RASGRP1: variants seen among roughly 807,000 people sequenced by gnomAD.
RASGRP1 encodes the protein RAS guanyl-releasing protein 1.
Under a neutral mutation model 95.1 loss-of-function variants are expected in RASGRP1, and 37 were observed. That is an observed-to-expected ratio of 0.39 (90% CI 0.30 to 0.51). The LOEUF is 0.51. Ranked by LOEUF, RASGRP1 falls within the 20% of genes least tolerant of loss-of-function variation. RASGRP1 has a pLI of 0.80. For synonymous variants in RASGRP1, 325 were observed against 353.4 expected (o/e 0.92, Z 0.90); for missense variants, 711 against 965.4 (o/e 0.74, Z 3.49).
chr15:38,523,042 A>G (rs117202667), intron 3 of RASGRP1, among the ~76,000 whole-genome samples: 1,750 of 152,266 alleles, frequency 0.011, 13 homozygotes, highest in Middle Eastern at 0.027. Flanking sequence ...CAGAGACCAG[A>G]TAAGAGTCAT....
chr15:38,514,800 G>C (rs1891693224), intron 6 of RASGRP1, among the ~76,000 whole-genome samples: 1 of 152,216 alleles, frequency 6.6e-6, no homozygotes, highest in African/African-American at 2.4e-5. Flanking sequence ...GCATCAAGCA[G>C]ACATCCTGCA....
intron 2 of RASGRP1, among the ~76,000 whole-genome samples, chr15:38,529,014 T>C (rs907998228): frequency 1.3e-5 from 2 of 152,144 alleles, no homozygotes; most frequent in Non-Finnish European, 2.9e-5. Context: ...ACCTAGCCAT[T>C]ATCCTTTATT....
At chr15:38,531,093 T>C (rs1450590118) in intron 2 of RASGRP1, among the ~76,000 whole-genome samples, 1 of 152,214 alleles carries the variant, frequency 6.6e-6, no homozygotes, top group Non-Finnish European at 1.5e-5. Flanking sequence ...CAGCTATCAT[T>C]TATTGAAGCC....
rs900153425 is a variant in RASGRP1, at chr15:38,488,193, T to G, written c.*2361A>C. ...AAAAACTTTACAATCTGTACATTTG[T>G]TTTTTTCTTGCATTTCTATATTATA... On this transcript the variant is annotated 3_prime_UTR_variant, in exon 17 of 17. Transcript: ENST00000310803. 6 of 152,030 alleles carry G rather than the reference T, an allele frequency of 3.9e-5. No homozygotes were observed. The highest frequency in any genetic ancestry group is 7.4e-5 in the Non-Finnish European group (5 of 67,920). The allele number at this position is 152,030 out of a possible 1,614,324, so 9.4% of individuals were successfully genotyped here.
intron 15 of RASGRP1, among the ~76,000 whole-genome samples, chr15:38,496,879 A>G (rs567776315): frequency 2.6e-5 from 4 of 152,358 alleles, no homozygotes; most frequent in African/African-American, 9.6e-5. Flanking sequence ...ACCACTGAAC[A>G]TTAGAAGTGC....
chr15:38,545,901 T>C (rs1428939727), intron 2 of RASGRP1, among the ~76,000 whole-genome samples: 1 of 152,216 alleles, frequency 6.6e-6, no homozygotes, highest in Non-Finnish European at 1.5e-5. Flanking sequence ...TGAGAGACTT[T>C]TCAGGTCTTC....
At position 38,507,873 on chromosome 15, in the gene RASGRP1, C is replaced by A. The variant is rs763571366; in HGVS notation, c.1095G>T (p.Leu365=). ...CCAGATAGTCAGGCATGGCTTCATA[C>A]AGGGAGATGAGGTCCTTGAGATGCA... is the stretch of plus-strand genomic sequence containing the variant. ...LGVHLKDLIS[L]YEAMPDYLED... Residue 365 remains leucine (L), a synonymous_variant, in exon 9 of 17, where the codon CTG becomes CTT. Transcript: ENST00000310803. The A allele has an allele frequency of 1.2e-6, 2 of 1,613,728 alleles. No individual in the cohort carries two copies. The highest frequency in any genetic ancestry group is 1.3e-5 in the African/African-American group (1 of 75,038).
At position 38,526,319 on chromosome 15, in the gene RASGRP1, C is replaced by A; in HGVS notation, c.306G>T (p.Leu102=). 1.9e-6 allele frequency: 3 copies of A among 1,613,010 alleles called. No homozygotes were observed. Among genetic ancestry groups the A allele is most frequent in the East Asian group, 4.5e-5 (2 of 44,854 alleles). Residue 102 remains leucine, a synonymous_variant, in exon 3 of 17, where the codon CTG becomes CTT. Coordinates refer to ENST00000310803, the MANE Select transcript of RASGRP1 (RefSeq NM_005739.4). The part of the protein sequence containing the change: ...MHRIVISSAE[L]LQKVITLYKD... The stretch of plus-strand genomic sequence containing the variant: ...GATATAGGGTGATAACTTTTTGGAG[C>A]AGTTCTGCAGAGGAGATGACAATTC...
At chr15:38,511,473 C>T in intron 8 of RASGRP1, 131 bp downstream of exon 8, 1 of 658,900 alleles carries the variant, frequency 1.5e-6, no homozygotes, top group South Asian at 1.9e-5. Flanking sequence ...GGTTTGCCTC[C>T]CTGCCACTTA....
chr15:38,536,696 AC>A (rs1892660967), intron 2 of RASGRP1, among the ~76,000 whole-genome samples: 1 of 152,246 alleles, frequency 6.6e-6, no homozygotes, highest in African/African-American at 2.4e-5. Flanking sequence ...ATTGTGGGAA[AC>A]AGTGTATGCT....
chr15:38,509,200 A>G (rs1891394698), intron 8 of RASGRP1, among the ~76,000 whole-genome samples: 1 of 152,138 alleles, frequency 6.6e-6, no homozygotes, highest in Admixed American at 6.6e-5. Flanking sequence ...ACTTAGAGGA[A>G]ACACTTTAGG....
chr15:38,517,431 G>T (rs1466538592), intron 5 of RASGRP1, among the ~76,000 whole-genome samples: 1 of 152,136 alleles, frequency 6.6e-6, no homozygotes, highest in African/African-American at 2.4e-5. Context: ...GAAGTACAGA[G>T]AATCCAAACT....
At chr15:38,561,544 T>C (rs1893810606) in intron 1 of RASGRP1, among the ~76,000 whole-genome samples, 1 of 152,224 alleles carries the variant, frequency 6.6e-6, no homozygotes, top group Non-Finnish European at 1.5e-5. Context: ...CAAAATAAAA[T>C]GCTAGGCACA....
intron 2 of RASGRP1, among the ~76,000 whole-genome samples, chr15:38,552,308 CTTAA>C (rs1370191084): frequency 1.3e-5 from 2 of 152,134 alleles, no homozygotes; most frequent in African/African-American, 2.4e-5. Context: ...ATTACTTTCT[CTTAA>C]TTAAGAGATA....
intron 2 of RASGRP1, among the ~76,000 whole-genome samples, chr15:38,533,165 C>T (rs1031059096): frequency 1.3e-5 from 2 of 152,132 alleles, no homozygotes; most frequent in Admixed American, 6.5e-5. Context: ...GAAGGATAGG[C>T]AAGCTGTCAG....
rs1361993571 is a variant in RASGRP1 at position 38,559,966 on chromosome 15, T to TTGG, written c.74_75insCCA (p.Arg25delinsSerGln). On this transcript the variant is annotated protein_altering_variant, in exon 2 of 17. Transcript: ENST00000310803. ...GGCTGTTGGCTGGCTTTGCCTCTAG[T>TTGG]CTTGCTTTAGAGGCAGCTCTGCAGC... 6.2e-7 allele frequency: 1 copy of TTGG among 1,613,336 alleles called. No homozygotes were observed. The highest frequency in any genetic ancestry group is 1.1e-5 in the South Asian group (1 of 90,754).
In RASGRP1 at chr15:38,516,287, C is replaced by G. The variant is rs1358543090; in HGVS notation, c.585G>C (p.Arg195=). 1.9e-6 allele frequency: 3 copies of G among 1,605,810 alleles called. No individual in the cohort carries two copies. The Admixed American group carries it at 5.0e-5, about 27-fold the overall frequency. ...GATGGTCAAAGAGCAGGGAGACTTTCCGTTTCTTGCTGGTATTTGATTTTA... is the reference window on the plus strand; with the variant it reads ...GATGGTCAAAGAGCAGGGAGACTTTGCGTTTCTTGCTGGTATTTGATTTTA... The part of the protein sequence containing the change: ...QRIKSNTSKK[R]KVSLLFDHLE... The change falls in exon 6 of 17, where the codon CGG becomes CGC. Residue 195 remains arginine (R), a synonymous_variant. Transcript: ENST00000310803.
intron 3 of RASGRP1, among the ~76,000 whole-genome samples, chr15:38,522,929 G>C (rs1892056792): frequency 6.6e-6 from 1 of 152,208 alleles, no homozygotes; most frequent in African/African-American, 2.4e-5. Context: ...GCTACCATGA[G>C]ACGGGGTAGG....
At chr15:38,530,120 C>G (rs907351601) in intron 2 of RASGRP1, among the ~76,000 whole-genome samples, 1 of 152,198 alleles carries the variant, frequency 6.6e-6, no homozygotes, top group Non-Finnish European at 1.5e-5. Context: ...CTTACTTTTG[C>G]TCAAGTTTCT....
Sources: gnomAD v4.1 joint callset for allele counts (sites outside exome capture counted in the v4.1 genomes callset) on GRCh38, gnomAD v4.1.1 for gene constraint, MANE v1.5 for transcripts, NCBI Gene and HGNC (gene_info 2026-07-23, HGNC 2026-07-21) for gene names.